Variants in PRDM2 observed in about 807,000 individuals in gnomAD.
PRDM2 encodes the protein PR/SET domain 2.
A neutral mutation model predicts 130.0 loss-of-function variants in PRDM2; 30 were observed. The observed-to-expected ratio is 0.23, with a 90% CI of 0.17 to 0.31. The LOEUF (loss-of-function observed/expected upper bound fraction) is 0.31, where lower values mean the gene tolerates loss of function less well. PRDM2 is among the 10% of genes least tolerant of loss of function. The pLI is 1.00. For missense variants in PRDM2, 2,011 were observed against 2,108.4 expected, an observed-to-expected ratio of 0.95 and a Z score of 0.90; for synonymous variants, 871 against 782.4, an observed-to-expected ratio of 1.11 and a Z score of -1.89.
Position 13,780,975 on chromosome 1 carries a change from C to T in PRDM2, c.3180C>T (p.Ser1060=). The part of the protein sequence containing the change: ...TLSSSSSSSS[S]SSSFSSSSSS... ...CTTCTTCCTCCTCTTCATCTTCCTC[C>T]TCCTCTTCGTTTTCTTCTTCATCTT... The change falls in exon 8 of 10, where the codon TCC becomes TCT. Residue 1060 remains serine, a synonymous_variant. Transcript: ENST00000311066. 2 of 1,602,452 alleles carry T rather than the reference C, an allele frequency of 1.2e-6. No individual in the cohort carries two copies. The highest frequency in any genetic ancestry group is 2.2e-5 in the South Asian group (2 of 90,814).
chr1:13,727,924 G>A (rs1244858091), intron 2 of PRDM2, among the ~76,000 whole-genome samples: 2 of 152,132 alleles, frequency 1.3e-5, no homozygotes, highest in Non-Finnish European at 2.9e-5. Flanking sequence ...CAGTTTATGA[G>A]TATGTGGGGG....
chr1:13,717,333 C>A (rs1264672786), intron 2 of PRDM2: 5 of 642,860 alleles, frequency 7.8e-6, no homozygotes, highest in African/African-American at 4.0e-5. Context: ...AAGATTGATT[C>A]TTATTACGAA....
At chr1:13,756,353 T>C (rs1643953466) in intron 6 of PRDM2, among the ~76,000 whole-genome samples, 1 of 152,064 alleles carries the variant, frequency 6.6e-6, no homozygotes, top group Admixed American at 6.5e-5. Flanking sequence ...TTTAGTTAAA[T>C]GTTGTATGGT....
intron 4 of PRDM2, among the ~76,000 whole-genome samples, chr1:13,740,278 A>G (rs1215307127): frequency 6.6e-6 from 1 of 152,184 alleles, no homozygotes; most frequent in Non-Finnish European, 1.5e-5. Flanking sequence ...CTTGGCAACT[A>G]TCTCTGTGTT....
At chr1:13,707,258 C>T (rs1344558317) in intron 1 of PRDM2, among the ~76,000 whole-genome samples, 1 of 152,198 alleles carries the variant, frequency 6.6e-6, no homozygotes, top group East Asian at 1.9e-4. Context: ...GACCACTACC[C>T]TGCCCGTGCT....
intron 8 of PRDM2, chr1:13,783,232 A>C: frequency 2.0e-6 from 1 of 498,370 alleles, no homozygotes; most frequent in South Asian, 1.5e-5. Context: ...TAAGTTCATT[A>C]GTAAACCATG....
At chr1:13,736,540 A>C (rs1203653) in intron 4 of PRDM2, among the ~76,000 whole-genome samples, 35,433 of 152,072 alleles carry the variant, frequency 0.23, 4,515 homozygotes, top group South Asian at 0.35. Flanking sequence ...ATTATAAATA[A>C]TTTTTCAAAG....
intron 8 of PRDM2, among the ~76,000 whole-genome samples, chr1:13,799,641 A>G (rs574222085): frequency 6.6e-6 from 1 of 152,210 alleles, no homozygotes; most frequent in South Asian, 2.1e-4. Context: ...AATCCTGACC[A>G]CTGCTCATAG....
intron 8 of PRDM2, among the ~76,000 whole-genome samples, chr1:13,793,520 G>C (rs1644875204): frequency 6.6e-6 from 1 of 152,186 alleles, no homozygotes; most frequent in Admixed American, 6.5e-5. Context: ...CTTTTCAAAA[G>C]CCCTGAAAGA....
At chr1:13,777,883 T>G (rs1241192022) in intron 7 of PRDM2, among the ~76,000 whole-genome samples, 1 of 151,938 alleles carries the variant, frequency 6.6e-6, no homozygotes, top group Non-Finnish European at 1.5e-5. Context: ...ATTACATGAT[T>G]CTGGAAAATG....
chr1:13,795,109 G>C (rs1192010945), intron 8 of PRDM2, among the ~76,000 whole-genome samples: 1 of 152,060 alleles, frequency 6.6e-6, no homozygotes, highest in African/African-American at 2.4e-5. Flanking sequence ...TATTTCTTTT[G>C]GTTTTGAATT....
chr1:13,755,809 T>TGA (rs781421390), intron 6 of PRDM2, among the ~76,000 whole-genome samples: 4 of 152,170 alleles, frequency 2.6e-5, no homozygotes, highest in Non-Finnish European at 4.4e-5. Context: ...AAAGTTTATT[T>TGA]ATTTTGTAGA....
Position 13,773,085 on chromosome 1 carries a change from A to G in PRDM2, c.519A>G (p.Lys173=). Residue 173 remains lysine, a synonymous_variant, in exon 7 of 10, where the codon AAA becomes AAG. Transcript: ENST00000311066. ...AAAAAAATTGTGTTTCAGGGAAGAA[A>G]AAATCCCAGGAAAATAAAAACAAAG... ...RSSPKSRKGK[K]KSQENKNKGN... 3 of 1,538,666 alleles carry G rather than the reference A, an allele frequency of 1.9e-6. No homozygotes were observed. The highest frequency in any genetic ancestry group is 1.4e-5 in the African/African-American group (1 of 71,730).
Position 13,794,428 on chromosome 1 carries a change from C to T in PRDM2, c.5036+11597C>T, listed in dbSNP as rs1021565012. The stretch of plus-strand genomic sequence containing the variant: ...AGGAACTTTGATTTCTTCACTGCTG[C>T]GTTCCCAGCATCTATTAATAGAATG... On this transcript the variant is annotated intron_variant, in intron 8 of 9. Transcript: ENST00000311066. Among the ~76,000 whole-genome samples the T allele has an allele frequency of 3.9e-5, 6 of 152,340 alleles. 1 individual carries two copies. Among genetic ancestry groups the T allele is most frequent in the South Asian group, 4.1e-4 (2 of 4,834 alleles).
In PRDM2 at chr1:13,796,279, TC is replaced by T. The variant is rs750148835; in HGVS notation, c.5036+13450del. The stretch of plus-strand genomic sequence containing the variant: ...GTCACTCATGGATATTGTCTGTACT[TC>T]CTGGCATCCTTCAGATATGCTTCTG... On this transcript the variant is annotated intron_variant, in intron 8 of 9. Coordinates refer to ENST00000311066, the MANE Select transcript of PRDM2 (RefSeq NM_001393986.1). Among the ~76,000 whole-genome samples, 4 of 152,194 alleles carry T rather than the reference TC, an allele frequency of 2.6e-5. 1 individual carries two copies. Among genetic ancestry groups the T allele is most frequent in the African/African-American group, 4.8e-5 (2 of 41,442 alleles).
chr1:13,804,896 C>A (rs1205996740), intron 8 of PRDM2, among the ~76,000 whole-genome samples: 1 of 152,158 alleles, frequency 6.6e-6, no homozygotes, highest in Non-Finnish European at 1.5e-5. Context: ...CAAAGGCTCA[C>A]CCCCACCTGG....
chr1:13,790,128 C>T (rs1644815846), intron 8 of PRDM2, among the ~76,000 whole-genome samples: 1 of 152,184 alleles, frequency 6.6e-6, no homozygotes, highest in Admixed American at 6.5e-5. Context: ...TACAATGAGT[C>T]CATTTAGGGC....
chr1:13,785,036 G>C (rs1185097762), intron 8 of PRDM2, among the ~76,000 whole-genome samples: 1 of 152,206 alleles, frequency 6.6e-6, no homozygotes, highest in East Asian at 1.9e-4. Context: ...TTTGTAGTGA[G>C]TTTAGCACAA....
chr1:13,820,894 C>G (rs1229617510), intron 9 of PRDM2, among the ~76,000 whole-genome samples: 1 of 152,186 alleles, frequency 6.6e-6, no homozygotes, highest in Non-Finnish European at 1.5e-5. Flanking sequence ...ATAGCCGGCC[C>G]CGCCTCTGCT....
Sources: allele counts gnomAD v4.1 joint callset (sites outside exome capture counted in the v4.1 genomes callset), GRCh38; gene constraint gnomAD v4.1.1; transcripts MANE v1.5; gene names NCBI Gene and HGNC (gene_info 2026-07-23, HGNC 2026-07-21).